CNTNAP2: variants seen among roughly 807,000 people sequenced by gnomAD.
CNTNAP2 encodes contactin-associated protein-like 2.
Under a neutral mutation model 155.2 loss-of-function variants are expected in CNTNAP2, and 98 were observed. The ratio of observed to expected loss-of-function variants is 0.63; its 90% CI spans 0.54 to 0.75. The LOEUF (loss-of-function observed/expected upper bound fraction) is 0.75. CNTNAP2 is among the 30% of genes least tolerant of loss of function. The probability of loss-of-function intolerance (pLI) is 0.00; values close to 1 mark genes in which losing one functional copy is unlikely to be tolerated. For synonymous variants in CNTNAP2, 651 were observed against 631.2 expected (o/e 1.03, Z -0.47); for missense variants, 1,727 against 1,688.1 (o/e 1.02, Z -0.40).
chr7:147,025,208 C>G (rs1429899790), intron 3 of CNTNAP2, among the ~76,000 whole-genome samples: 1 of 145,772 alleles, frequency 6.9e-6, no homozygotes, highest in African/African-American at 2.6e-5. Flanking sequence ...ATCGCTTGAA[C>G]CCGGGAAGCG....
At chr7:146,366,119 T>A (rs979477290) in intron 1 of CNTNAP2, among the ~76,000 whole-genome samples, 3 of 152,168 alleles carry the variant, frequency 2.0e-5, no homozygotes, top group Admixed American at 6.6e-5. Flanking sequence ...TATAGATATA[T>A]ATACACATAG....
intron 1 of CNTNAP2, among the ~76,000 whole-genome samples, chr7:146,735,402 A>G (rs1010695878): frequency 6.6e-6 from 1 of 151,994 alleles, no homozygotes; most frequent in African/African-American, 2.4e-5. Context: ...AAATACAAAA[A>G]CAACTAGCCA....
In CNTNAP2 at chr7:148,131,529, C is replaced by T. The variant is rs1239305722; in HGVS notation, c.2554+13241C>T. On this transcript the variant is annotated intron_variant, in intron 16 of 23. Transcript: ENST00000361727. Reference sequence around the variant, plus strand: ...TATGACCATCTGTAAGACAACAGACCCTCTAAGAGAAGAAATCAAAGAAGT... The same window carrying T: ...TATGACCATCTGTAAGACAACAGACTCTCTAAGAGAAGAAATCAAAGAAGT... Among the ~76,000 whole-genome samples the T allele has an allele frequency of 5.3e-5, 8 of 152,156 alleles. No homozygotes were observed. The South Asian group carries it at 1.5e-3, about 28-fold the overall frequency.
chr7:146,615,208 AAATT>A (rs1799205223), intron 1 of CNTNAP2, among the ~76,000 whole-genome samples: 3 of 152,182 alleles, frequency 2.0e-5, no homozygotes, highest in African/African-American at 4.8e-5. Flanking sequence ...AGCCTGAAAA[AAATT>A]AAGTTGCACA....
At chr7:147,532,155 T>A (rs1332593879) in intron 11 of CNTNAP2, among the ~76,000 whole-genome samples, 1 of 152,086 alleles carries the variant, frequency 6.6e-6, no homozygotes, top group African/African-American at 2.4e-5. Context: ...TTCCAAACCT[T>A]TATACTCTGC....
At chr7:148,195,631 T>C (rs370902014) in intron 18 of CNTNAP2, among the ~76,000 whole-genome samples, 1 of 152,250 alleles carries the variant, frequency 6.6e-6, no homozygotes, top group East Asian at 1.9e-4. Flanking sequence ...TATGCTTTGA[T>C]GCTTTTTAAA....
At chr7:147,027,154 T>C (rs571552985) in intron 3 of CNTNAP2, among the ~76,000 whole-genome samples, 1 of 152,294 alleles carries the variant, frequency 6.6e-6, no homozygotes, top group South Asian at 2.1e-4. Context: ...GAAAATGTGT[T>C]CAGAAGTTAA....
intron 1 of CNTNAP2, among the ~76,000 whole-genome samples, chr7:146,731,787 G>C (rs1296682993): frequency 6.6e-6 from 1 of 152,130 alleles, no homozygotes; most frequent in Admixed American, 6.5e-5. Context: ...CATAGGTTTT[G>C]TTCTGCACAC....
At chr7:146,499,805 G>A (rs1444901714) in intron 1 of CNTNAP2, among the ~76,000 whole-genome samples, 1 of 152,138 alleles carries the variant, frequency 6.6e-6, no homozygotes, top group Non-Finnish European at 1.5e-5. Context: ...TCAATTTGAG[G>A]AGTATTGCTG....
chr7:146,655,154 T>C (rs1908320), intron 1 of CNTNAP2, among the ~76,000 whole-genome samples: 71,511 of 151,698 alleles, frequency 0.47, 17,673 homozygotes, highest in South Asian at 0.57. Flanking sequence ...TAAAGATATC[T>C]GTAATCCCAG....
chr7:146,666,929 G>A (rs982350865), intron 1 of CNTNAP2, among the ~76,000 whole-genome samples: 6 of 152,222 alleles, frequency 3.9e-5, no homozygotes, highest in East Asian at 3.9e-4. Context: ...ATCTCATTCT[G>A]TAGGTTGTCT....
intron 3 of CNTNAP2, among the ~76,000 whole-genome samples, chr7:146,914,781 T>C (rs1253880632): frequency 2.0e-5 from 3 of 152,214 alleles, no homozygotes; most frequent in Non-Finnish European, 2.9e-5. Flanking sequence ...TCTTTTGCTG[T>C]GCAGAAAGAA....
chr7:148,241,100 C>T (rs947970142), intron 20 of CNTNAP2, among the ~76,000 whole-genome samples: 2 of 152,230 alleles, frequency 1.3e-5, no homozygotes, highest in African/African-American at 2.4e-5. Context: ...TATTAACCAT[C>T]ACACTTACTT....
At chr7:146,685,197 C>G (rs1317697796) in intron 1 of CNTNAP2, among the ~76,000 whole-genome samples, 1 of 152,026 alleles carries the variant, frequency 6.6e-6, no homozygotes, top group African/African-American at 2.4e-5. Flanking sequence ...GAATGACAAC[C>G]TTTTAACTGC....
At chr7:148,066,189 G>A (rs937837050) in intron 15 of CNTNAP2, among the ~76,000 whole-genome samples, 1 of 152,128 alleles carries the variant, frequency 6.6e-6, no homozygotes, top group Non-Finnish European at 1.5e-5. Flanking sequence ...CAGGTTACCT[G>A]ATGTTTTTGC....
At chr7:146,271,140 G>A (rs1184890220) in intron 1 of CNTNAP2, among the ~76,000 whole-genome samples, 1 of 151,972 alleles carries the variant, frequency 6.6e-6, no homozygotes, top group Non-Finnish European at 1.5e-5. Context: ...ACAAATGTCA[G>A]AGGTACAAAA....
At chr7:147,661,108 T>C (rs1795602203) in intron 13 of CNTNAP2, among the ~76,000 whole-genome samples, 1 of 152,166 alleles carries the variant, frequency 6.6e-6, no homozygotes. Context: ...GCCCTTTACC[T>C]ATAATATGCA....
At chr7:146,453,374 A>C (rs1796510042) in intron 1 of CNTNAP2, among the ~76,000 whole-genome samples, 1 of 152,204 alleles carries the variant, frequency 6.6e-6, no homozygotes, top group African/African-American at 2.4e-5. Context: ...AATTAACCCT[A>C]CACTAAATGC....
At chr7:148,375,610 C>T (rs1006699926) in intron 21 of CNTNAP2, among the ~76,000 whole-genome samples, 3 of 151,110 alleles carry the variant, frequency 2.0e-5, no homozygotes, top group African/African-American at 4.8e-5. Context: ...CCACCTGCCT[C>T]GGCCTCCCAA....
Sources: allele counts gnomAD v4.1 joint callset (sites outside exome capture counted in the v4.1 genomes callset), GRCh38; gene constraint gnomAD v4.1.1; transcripts MANE v1.5; gene names NCBI Gene and HGNC (gene_info 2026-07-23, HGNC 2026-07-21).